ANPEP: variants seen among roughly 807,000 people sequenced by gnomAD.
ANPEP encodes the protein alanyl aminopeptidase, membrane, also known as aminopeptidase N.
A neutral mutation model predicts 114.6 loss-of-function variants in ANPEP; 70 were observed. The observed-to-expected ratio is 0.61, with a 90% CI of 0.50 to 0.75. The LOEUF is 0.75. Ranked by LOEUF, ANPEP falls within the 30% of genes least tolerant of loss-of-function variation. ANPEP has a pLI of 0.00. For missense variants in ANPEP, 1,184 were observed against 1,259.5 expected, an observed-to-expected ratio of 0.94 and a Z score of 0.91; for synonymous variants, 548 against 522.3, an observed-to-expected ratio of 1.05 and a Z score of -0.67.
At chr15:89,810,052 T>C (rs1157212313) in intron 1 of ANPEP, among the ~76,000 whole-genome samples, 7 of 151,992 alleles carry the variant, frequency 4.6e-5, no homozygotes, top group African/African-American at 1.7e-4. Flanking sequence ...GCTTCCCCAG[T>C]CTCCAGTTCC....
In ANPEP at chr15:89,792,435, G is replaced by T. The variant is rs763904299; in HGVS notation, c.2360+17C>A. 6.2e-7 allele frequency: 1 copy of T among 1,613,134 alleles called. No homozygotes were observed. Among genetic ancestry groups the T allele is most frequent in the Non-Finnish European group, 8.5e-7 (1 of 1,179,220 alleles). On this transcript the variant is annotated intron_variant, in intron 17 of 20. Transcript: ENST00000300060. ...GCAGATGAAGACTGGCAGAGGAGGC[G>T]CAGGGGAGACACTCACGGGTTATTA...
At chr15:89,791,553 T>A (rs1370285175) in intron 18 of ANPEP, among the ~76,000 whole-genome samples, 2 of 151,694 alleles carry the variant, frequency 1.3e-5, no homozygotes, top group African/African-American at 4.9e-5. Flanking sequence ...TTCTCCTGCC[T>A]CAGCCTCCCG....
intron 15 of ANPEP, among the ~76,000 whole-genome samples, chr15:89,795,108 G>T (rs1479256354): frequency 6.8e-6 from 1 of 146,894 alleles, no homozygotes. Context: ...AAAAAAAAAG[G>T]AAAACTTCAT....
Position 89,785,339 on chromosome 15 carries a change from G to C in ANPEP, c.*10C>G. ...TTGCATGGGGGCCGGGTGACTTCAA[G>C]GGCTGGGGACTATTTGCTGTTTTCT... On this transcript the variant is annotated 3_prime_UTR_variant, in exon 21 of 21. Transcript: ENST00000300060. 1 of 1,614,182 alleles carries C rather than the reference G, an allele frequency of 6.2e-7. No individual in the cohort carries two copies. The highest frequency in any genetic ancestry group is 8.5e-7 in the Non-Finnish European group (1 of 1,179,996).
At chr15:89,791,184 A>G (rs7169161) in intron 18 of ANPEP, 91 bp from the exon 19 acceptor site, 449,043 of 1,438,102 alleles carry the variant, frequency 0.31, 72,877 homozygotes, top group African/African-American at 0.5. Flanking sequence ...CTATGCCTGC[A>G]TCCTCTCAAC....
At chr15:89,791,599 AT>A (rs10596905) in intron 18 of ANPEP, among the ~76,000 whole-genome samples, 27,007 of 135,094 alleles carry the variant, frequency 0.2, 2,576 homozygotes, top group African/African-American at 0.23. Flanking sequence ...CACCATGCCT[AT>A]TTTTTTTTTT....
At chr15:89,787,225 T>G (rs1312195388) in intron 20 of ANPEP, among the ~76,000 whole-genome samples, 6 of 151,896 alleles carry the variant, frequency 4.0e-5, no homozygotes. Context: ...TTCGTATTTT[T>G]TAGTAGGGAC....
Position 89,799,286 on chromosome 15 carries a change from G to T in ANPEP, c.1983C>A (p.Ile661=), listed in dbSNP as rs1894536033. 1 of 1,614,084 alleles carries T rather than the reference G, an allele frequency of 6.2e-7. No homozygotes were observed. Among genetic ancestry groups the T allele is most frequent in the African/African-American group, 1.3e-5 (1 of 74,944 alleles). ...SAIPVINRAQ[I]INDAFNLASA... ...TGGCCAGGTTGAAGGCGTCATTAAT[G>T]ATCTGTGCCCGATTGATGACAGGGA... Residue 661 remains isoleucine, a synonymous_variant, in exon 14 of 21, where the codon ATC becomes ATA. Transcript: ENST00000300060. This position sits in a 1 kb window ranked among gnomAD's most constrained non-coding sequence, Gnocchi z 4.2.
In ANPEP at chr15:89,803,150, C is replaced by T; in HGVS notation, c.1569+89G>A. ...GGGCTGGTCAGCCGCGGAGCTGGACCCATTCTCTTACGCATGTGCTGCCCC... is the reference window on the plus strand; with the variant it reads ...GGGCTGGTCAGCCGCGGAGCTGGACTCATTCTCTTACGCATGTGCTGCCCC... On this transcript the variant is annotated intron_variant, in intron 10 of 20. Transcript: ENST00000300060. This position sits in a 1 kb window ranked among gnomAD's most constrained non-coding sequence, Gnocchi z 4.2. 10 of 1,433,582 alleles carry T rather than the reference C, an allele frequency of 7.0e-6. No homozygotes were observed. The highest frequency in any genetic ancestry group is 1.2e-5 in the South Asian group (1 of 86,912). 88.8% of individuals were successfully genotyped at this position (1,433,582 alleles called of 1,614,324 possible).
Position 89,801,183 on chromosome 15 carries a change from C to A in ANPEP, c.1747G>T (p.Val583Leu), listed in dbSNP as rs201255326. Reference sequence around the variant, plus strand: ...ATGGATGTGATGGGCACAATCCACACGTAGCTGCAATTAAAGATCCAGAGG... The same window carrying A: ...ATGGATGTGATGGGCACAATCCACAAGTAGCTGCAATTAAAGATCCAGAGG... ...NVTRPSEFNY[V>L]WIVPITSIRD... Residue 583 changes from valine (V) to leucine (L), a missense_variant, in exon 12 of 21, where the codon GTG becomes TTG. By Grantham distance (32) the Val-to-Leu change is conservative. Coordinates refer to ENST00000300060, the MANE Select transcript of ANPEP (RefSeq NM_001150.3). The A allele has an allele frequency of 1.2e-5, 19 of 1,613,966 alleles. No individual in the cohort carries two copies. Among genetic ancestry groups the A allele is most frequent in the Admixed American group, 1.7e-5 (1 of 60,008 alleles).
Position 89,803,291 on chromosome 15 carries a change from G to C in ANPEP, c.1517C>G (p.Thr506Ser). Residue 506 changes from threonine (T) to serine (S), a missense_variant, in exon 10 of 21, where the codon ACC becomes AGC. Coordinates refer to ENST00000300060, the MANE Select transcript of ANPEP (RefSeq NM_001150.3). The surrounding 1 kb of genome is among the most constrained non-coding windows in gnomAD (Gnocchi z 4.2). ...FKQGLASYLH[T>S]FAYQNTIYLN... ...GTAGATGGTGTTCTGGTAGGCAAAG[G>C]TGTGGAGGTAGGACTGTGGAAAGAC... 1.2e-6 allele frequency: 2 copies of C among 1,614,126 alleles called. No homozygotes were observed. The highest frequency in any genetic ancestry group is 1.7e-6 in the Non-Finnish European group (2 of 1,179,976).
rs897075789 is a variant in ANPEP, at chr15:89,803,168, G to C, written c.1569+71C>G. On this transcript the variant is annotated intron_variant, in intron 10 of 20. Transcript: ENST00000300060. This position sits in a 1 kb window ranked among gnomAD's most constrained non-coding sequence, Gnocchi z 4.2. ...GCTGGACCCATTCTCTTACGCATGT[G>C]CTGCCCCCAGGTACCTTCAGCATCT... is the stretch of plus-strand genomic sequence containing the variant. 3 of 1,526,322 alleles carry C rather than the reference G, an allele frequency of 2.0e-6. No individual in the cohort carries two copies. Among genetic ancestry groups the C allele is most frequent in the African/African-American group, 1.4e-5 (1 of 72,924 alleles). 94.5% of individuals were successfully genotyped at this position (1,526,322 alleles called of 1,614,324 possible).
In ANPEP at chr15:89,790,999, G is replaced by C. The variant is rs745692624; in HGVS notation, c.2623C>G (p.Leu875Val). 17 of 1,614,238 alleles carry C rather than the reference G, an allele frequency of 1.1e-5. No individual in the cohort carries two copies. The South Asian group carries it at 1.9e-4, about 18-fold the overall frequency. Residue 875 changes from leucine to valine, a missense_variant, in exon 19 of 21, where the codon CTG becomes GTG. Coordinates refer to ENST00000300060, the MANE Select transcript of ANPEP (RefSeq NM_001150.3). Reference protein sequence around the residue: ...SITNNVIGQGLVWDFVQSNWK... With the variant: ...SITNNVIGQGVVWDFVQSNWK... ...TTGCTCTGGACAAAGTCCCAGACCA[G>C]ACCTTGCCCAATGACGTTGTTGGTA...
chr15:89,793,245 C>T, intron 15 of ANPEP, 119 bp from the exon 16 acceptor site: 2 of 795,734 alleles, frequency 2.5e-6, no homozygotes, highest in Non-Finnish European at 4.1e-6. Flanking sequence ...CAGGGCCTCA[C>T]CTGAGGCCAA....
At chr15:89,789,722 G>A (rs560406632) in intron 20 of ANPEP, among the ~76,000 whole-genome samples, 77 of 142,482 alleles carry the variant, frequency 5.4e-4, no homozygotes, top group Non-Finnish European at 1.0e-3. Context: ...GCAGTGAGCC[G>A]AGATCATACC....
Position 89,806,240 on chromosome 15 carries a change from T to C in ANPEP, c.344A>G (p.Glu115Gly), listed in dbSNP as rs753592472. The C allele has an allele frequency of 1.9e-6, 3 of 1,614,110 alleles. No homozygotes were observed. The Admixed American group carries it at 5.0e-5, about 27-fold the overall frequency. ...GTGGATGATGATGACGTCAGTGGCCTCCTTGCAGGTGAAACGGACGGTGCT... is the reference window on the plus strand; with the variant it reads ...GTGGATGATGATGACGTCAGTGGCCCCCTTGCAGGTGAAACGGACGGTGCT... ...GSSTVRFTCK[E>G]ATDVIIIHSK... is the part of the protein sequence containing the mutation. The change falls in exon 2 of 21, where the codon GAG becomes GGG. Residue 115 changes from glutamate to glycine, a missense_variant. Transcript: ENST00000300060. This position sits in a 1 kb window ranked among gnomAD's most constrained non-coding sequence, Gnocchi z 5.7.
intron 12 of ANPEP, 136 bp downstream of exon 12, chr15:89,800,975 C>A: frequency 1.4e-6 from 1 of 720,588 alleles, no homozygotes; most frequent in South Asian, 1.7e-5. Flanking sequence ...AGCGAAGCAG[C>A]AGCAAAGTGG....
At chr15:89,798,771 C>T (rs1435754079) in intron 14 of ANPEP, among the ~76,000 whole-genome samples, 1 of 152,020 alleles carries the variant, frequency 6.6e-6, no homozygotes, top group East Asian at 1.9e-4. Flanking sequence ...GAAACCCCAT[C>T]TCTACTAAAA....
intron 1 of ANPEP, among the ~76,000 whole-genome samples, chr15:89,814,037 T>C (rs1894864220): frequency 6.7e-6 from 1 of 148,264 alleles, no homozygotes; most frequent in African/African-American, 2.6e-5. Context: ...AAGGATCCCA[T>C]TGGCCCTGTT....
Sources: allele counts gnomAD v4.1 joint callset (sites outside exome capture counted in the v4.1 genomes callset), GRCh38; gene constraint gnomAD v4.1.1; non-coding constraint Gnocchi (gnomAD v3.1); transcripts MANE v1.5; gene names NCBI Gene and HGNC (gene_info 2026-07-23, HGNC 2026-07-21).